PRICKLE1: variants seen among roughly 807,000 people sequenced by gnomAD.
PRICKLE1 encodes the protein prickle planar cell polarity protein 1.
PRICKLE1 carries 14 observed loss-of-function variants against 70.2 expected under a neutral mutation model. That is an observed-to-expected ratio of 0.20 (90% confidence interval 0.13 to 0.31). The LOEUF is 0.31. Ranked by LOEUF, PRICKLE1 falls within the 10% of genes least tolerant of loss-of-function variation. PRICKLE1 has a pLI of 1.00. For synonymous variants in PRICKLE1, 357 were observed against 379.9 expected (o/e 0.94, Z 0.70); for missense variants, 821 against 1,026.2 (o/e 0.80, Z 2.73).
At chr12:42,502,200 C>T (rs182498268) in intron 1 of PRICKLE1, among the ~76,000 whole-genome samples, 27 of 150,476 alleles carry the variant, frequency 1.8e-4, no homozygotes, top group Admixed American at 1.1e-3. Context: ...TATATACACA[C>T]ACACCTATAT....
intron 1 of PRICKLE1, among the ~76,000 whole-genome samples, chr12:42,578,767 ATTTATTTATTTT>A (rs1254582814): frequency 1.3e-5 from 2 of 151,330 alleles, no homozygotes; most frequent in Non-Finnish European, 2.9e-5. Flanking sequence ...TTATTTATTT[ATTTATTTATTTT>A]GAGACTGAGT....
chr12:42,562,975 G>C (rs1940543783), intron 1 of PRICKLE1, among the ~76,000 whole-genome samples: 1 of 151,780 alleles, frequency 6.6e-6, no homozygotes, highest in African/African-American at 2.4e-5. Flanking sequence ...CTGAGGTCAG[G>C]AGTTCGAGAC....
intron 1 of PRICKLE1, among the ~76,000 whole-genome samples, chr12:42,516,195 A>C (rs990515582): frequency 6.6e-6 from 1 of 151,796 alleles, no homozygotes; most frequent in African/African-American, 2.4e-5. Context: ...GCAGTGGTGC[A>C]ATCTCGGCTC....
At chr12:42,504,578 G>A (rs1939372268) in intron 1 of PRICKLE1, among the ~76,000 whole-genome samples, 1 of 152,188 alleles carries the variant, frequency 6.6e-6, no homozygotes, top group Admixed American at 6.5e-5. Flanking sequence ...GTGCTCTGTG[G>A]CTGTAAGTAA....
intron 1 of PRICKLE1, among the ~76,000 whole-genome samples, chr12:42,487,369 A>C (rs1939008484): frequency 1.3e-5 from 2 of 152,190 alleles, no homozygotes; most frequent in South Asian, 4.1e-4. Flanking sequence ...AAGTTTTATA[A>C]TAGGTTGCAG....
chr12:42,477,494 A>ATATATATATGTG (rs1938610769), intron 1 of PRICKLE1, among the ~76,000 whole-genome samples: 1 of 24,406 alleles, frequency 4.1e-5, no homozygotes, highest in South Asian at 1.0e-3. Context: ...ATATATATAT[A>ATATATATATGTG]TATATATATA....
chr12:42,582,694 T>C (rs1234202359), intron 1 of PRICKLE1, among the ~76,000 whole-genome samples: 2 of 152,232 alleles, frequency 1.3e-5, no homozygotes, highest in African/African-American at 4.8e-5. Context: ...CCACACTACA[T>C]AGCACAAGCT....
Position 42,464,989 on chromosome 12 carries a change from A to G in PRICKLE1, c.1045T>C (p.Ser349Pro), listed in dbSNP as rs1455123053. 1.9e-6 allele frequency: 3 copies of G among 1,612,168 alleles called. No homozygotes were observed. The highest frequency in any genetic ancestry group is 8.5e-7 in the Non-Finnish European group (1 of 1,179,338). The change falls in exon 7 of 8, where the codon TCT becomes CCT. Residue 349 changes from serine (S) to proline (P), a missense_variant. Physicochemically the swap from Ser to Pro is moderately conservative, Grantham distance 74. Transcript: ENST00000345127. This position sits in a 1 kb window ranked among gnomAD's most constrained non-coding sequence, Gnocchi z 4.2. ...TTCAGAGCAGGCGATAAGAGGAGAG[A>G]CTGTCTACACTGATCTGCTGACCGG... The part of the protein sequence containing the change: ...SSRSADQCRQ[S>P]LLLSPALNYK...
intron 1 of PRICKLE1, among the ~76,000 whole-genome samples, chr12:42,565,169 C>A (rs553533364): frequency 6.6e-6 from 1 of 152,166 alleles, no homozygotes; most frequent in Non-Finnish European, 1.5e-5. Flanking sequence ...GGGGGAACCC[C>A]GGCCAGCACA....
chr12:42,580,397 A>G (rs77558502), intron 1 of PRICKLE1, among the ~76,000 whole-genome samples: 9,159 of 152,236 alleles, frequency 0.06, 378 homozygotes, highest in Non-Finnish European at 0.089. Flanking sequence ...AGTAATTCCA[A>G]ATTTAAAGCA....
At chr12:42,564,601 T>C (rs1436041693) in intron 1 of PRICKLE1, among the ~76,000 whole-genome samples, 1 of 152,012 alleles carries the variant, frequency 6.6e-6, no homozygotes, top group Non-Finnish European at 1.5e-5. Flanking sequence ...AGAGTGAAAC[T>C]CTTCAAAAAA....
intron 1 of PRICKLE1, among the ~76,000 whole-genome samples, chr12:42,545,149 G>A (rs1188765364): frequency 1.3e-5 from 2 of 152,060 alleles, no homozygotes; most frequent in African/African-American, 4.8e-5. Flanking sequence ...GACTACAGGT[G>A]CGCATCACCA....
intron 1 of PRICKLE1, among the ~76,000 whole-genome samples, chr12:42,536,544 G>A (rs914931581): frequency 2.0e-5 from 3 of 152,096 alleles, no homozygotes; most frequent in Non-Finnish European, 4.4e-5. Flanking sequence ...GGGCTCCTGG[G>A]GTATGGTTTC....
intron 1 of PRICKLE1, among the ~76,000 whole-genome samples, chr12:42,527,128 CTT>C (rs386376309): frequency 9.9e-6 from 1 of 100,776 alleles, no homozygotes. Flanking sequence ...TTTTTTTCCT[CTT>C]TTTTTTTTTT....
rs34355848 is a variant in PRICKLE1, at chr12:42,549,119, CAAAAAAAA to C, written c.-49+40338_-49+40345del. Among the ~76,000 whole-genome samples, 269 of 53,978 alleles carry C rather than the reference CAAAAAAAA, an allele frequency of 5.0e-3. 2 individuals carry two copies. The highest frequency in any genetic ancestry group is 0.028 in the South Asian group (33 of 1,158). The allele number at this position is 53,978 out of a possible 152,430, so 35.4% of individuals were successfully genotyped here. On this transcript the variant is annotated intron_variant, in intron 1 of 7. Coordinates refer to ENST00000345127, the MANE Select transcript of PRICKLE1 (RefSeq NM_153026.3). ...GGGCAACAGAGTGAGACCCTGTCTC[CAAAAAAAA>C]AAAAAAAAAAAAAAAAACCTAGATA...
chr12:42,552,027 C>T (rs1294632919), intron 1 of PRICKLE1, among the ~76,000 whole-genome samples: 1 of 151,074 alleles, frequency 6.6e-6, no homozygotes, highest in African/African-American at 2.4e-5. Flanking sequence ...CTCCATTAGC[C>T]ATTCACAACC....
intron 1 of PRICKLE1, among the ~76,000 whole-genome samples, chr12:42,582,313 C>G (rs1220504680): frequency 6.6e-6 from 1 of 152,202 alleles, no homozygotes; most frequent in Non-Finnish European, 1.5e-5. Context: ...TTTCTCAAGG[C>G]TTGTGTAAGT....
At chr12:42,532,786 A>G (rs1314446120) in intron 1 of PRICKLE1, among the ~76,000 whole-genome samples, 1 of 151,218 alleles carries the variant, frequency 6.6e-6, no homozygotes, top group African/African-American at 2.4e-5. Context: ...AGTCCCAGCT[A>G]CTCGGGAGGC....
chr12:42,472,894 C>A (rs1201182113), intron 1 of PRICKLE1, among the ~76,000 whole-genome samples: 1 of 152,178 alleles, frequency 6.6e-6, no homozygotes, highest in Admixed American at 6.5e-5. Flanking sequence ...TTCTAACTTG[C>A]CCACAAATCC....
Sources: gnomAD v4.1 joint callset for allele counts (sites outside exome capture counted in the v4.1 genomes callset) on GRCh38, gnomAD v4.1.1 for gene constraint, Gnocchi (gnomAD v3.1) non-coding constraint, MANE v1.5 for transcripts, NCBI Gene and HGNC (gene_info 2026-07-23, HGNC 2026-07-21) for gene names.